HSPA12A: variants seen among roughly 807,000 people sequenced by gnomAD.
The protein encoded by HSPA12A is heat shock 70 kDa protein 12A.
A neutral mutation model predicts 69.2 loss-of-function variants in HSPA12A; 28 were observed. The observed-to-expected ratio is 0.40, with a 90% CI of 0.30 to 0.55. The LOEUF (loss-of-function observed/expected upper bound fraction) is 0.55, where lower values mean the gene tolerates loss of function less well. HSPA12A is among the 20% of genes least tolerant of loss of function. HSPA12A has a pLI of 0.38. For synonymous variants in HSPA12A, 345 were observed against 370.5 expected (o/e 0.93, Z 0.79); for missense variants, 686 against 900.7 (o/e 0.76, Z 3.05).
chr10:116,695,458 C>T (rs924233429), intron 5 of HSPA12A, among the ~76,000 whole-genome samples: 3 of 152,042 alleles, frequency 2.0e-5, no homozygotes, highest in East Asian at 3.9e-4. Flanking sequence ...CCAAGGTGGG[C>T]GGATCATGAG....
At chr10:116,772,426 T>A (rs1405137468) in intron 2 of HSPA12A, among the ~76,000 whole-genome samples, 1 of 152,030 alleles carries the variant, frequency 6.6e-6, no homozygotes. Context: ...GAGCAGACTC[T>A]GTGGAGCTGC....
At chr10:116,724,793 C>G (rs1850898022) in intron 1 of HSPA12A, among the ~76,000 whole-genome samples, 3 of 152,174 alleles carry the variant, frequency 2.0e-5, no homozygotes, top group Admixed American at 1.3e-4. Context: ...GCCCAGAGCC[C>G]AAGACTCCAG....
At chr10:116,792,613 C>CAAAAAAAAAAAAAAAA (rs56344323) in intron 2 of HSPA12A, among the ~76,000 whole-genome samples, 2 of 108,022 alleles carry the variant, frequency 1.9e-5, no homozygotes, top group African/African-American at 7.6e-5. Context: ...CTTGCATCTA[C>CAAAAAAAAAAAAAAAA]AAAAAAAAAA....
At chr10:116,761,186 C>T (rs1843962581) in intron 2 of HSPA12A, among the ~76,000 whole-genome samples, 1 of 151,894 alleles carries the variant, frequency 6.6e-6, no homozygotes, top group Admixed American at 6.6e-5. Context: ...TCTGTCTCTA[C>T]TAAAAATACA....
intron 2 of HSPA12A, among the ~76,000 whole-genome samples, chr10:116,777,946 T>C (rs576250738): frequency 3.0e-4 from 46 of 152,294 alleles, no homozygotes; most frequent in African/African-American, 1.1e-3. Context: ...TGGGCTGGTC[T>C]CAAACTCCTG....
intron 2 of HSPA12A, among the ~76,000 whole-genome samples, chr10:116,794,583 TG>T (rs1418157265): frequency 3.3e-5 from 5 of 152,130 alleles, no homozygotes; most frequent in African/African-American, 1.2e-4. Flanking sequence ...GGAGGCAAGG[TG>T]GGTGGATAAC....
At chr10:116,714,084 TGGATGGATGGAC>T (rs1400945865) in intron 1 of HSPA12A, among the ~76,000 whole-genome samples, 1 of 150,566 alleles carries the variant, frequency 6.6e-6, no homozygotes, top group Non-Finnish European at 1.5e-5. Flanking sequence ...GGTGGGTGAG[TGGATGGATGGAC>T]GGATGGATGG....
intron 2 of HSPA12A, among the ~76,000 whole-genome samples, chr10:116,791,945 T>TCCTGC (rs1844708720): frequency 6.6e-6 from 1 of 152,188 alleles, no homozygotes; most frequent in African/African-American, 2.4e-5. Context: ...TGCCAATTCA[T>TCCTGC]CCTGCCCAGG....
chr10:116,735,005 A>AT (rs1161944740), intron 1 of HSPA12A, among the ~76,000 whole-genome samples: 1 of 152,218 alleles, frequency 6.6e-6, no homozygotes, highest in African/African-American at 2.4e-5. Flanking sequence ...AAGAAAAAAA[A>AT]GAAAAAAGTT....
At chr10:116,739,280 G>A (rs190887928) in intron 1 of HSPA12A, among the ~76,000 whole-genome samples, 35 of 152,304 alleles carry the variant, frequency 2.3e-4, no homozygotes, top group East Asian at 5.8e-4. Context: ...ATCACAGGGC[G>A]TCCTTCATAG....
chr10:116,730,458 A>G (rs1390179006), intron 1 of HSPA12A, among the ~76,000 whole-genome samples: 4 of 152,194 alleles, frequency 2.6e-5, no homozygotes, highest in Non-Finnish European at 5.9e-5. Context: ...GCTCCCAGGC[A>G]TGGGGTGTTG....
intron 10 of HSPA12A, among the ~76,000 whole-genome samples, chr10:116,678,937 TTATATA>T (rs1448948126): frequency 6.6e-6 from 1 of 152,124 alleles, no homozygotes; most frequent in Non-Finnish European, 1.5e-5. Flanking sequence ...ATGATGGATA[TTATATA>T]TATAAATTTA....
chr10:116,826,657 A>T (rs997381354), intron 2 of HSPA12A, among the ~76,000 whole-genome samples: 7 of 152,204 alleles, frequency 4.6e-5, no homozygotes, highest in African/African-American at 1.7e-4. Context: ...ATAAATAATC[A>T]AATCAAATCA....
intron 1 of HSPA12A, among the ~76,000 whole-genome samples, chr10:116,848,059 A>G (rs1416841369): frequency 6.6e-6 from 1 of 152,262 alleles, no homozygotes; most frequent in Non-Finnish European, 1.5e-5. Context: ...GAGGAAAGGC[A>G]AAAAGGTGAA....
At chr10:116,690,476 G>T (rs1354263124) in intron 6 of HSPA12A, among the ~76,000 whole-genome samples, 2 of 152,210 alleles carry the variant, frequency 1.3e-5, no homozygotes, top group African/African-American at 4.8e-5. Flanking sequence ...AACAAAGCAA[G>T]TATCAAATCA....
upstream of HSPA12A, among the ~76,000 whole-genome samples, chr10:116,745,059 G>A (rs1376564515): frequency 1.3e-5 from 2 of 152,024 alleles, no homozygotes; most frequent in East Asian, 1.9e-4. Flanking sequence ...TCACTCCCCC[G>A]GACACATCCT....
intron 2 of HSPA12A, among the ~76,000 whole-genome samples, chr10:116,790,764 C>T (rs531583902): frequency 3.9e-5 from 6 of 152,254 alleles, no homozygotes; most frequent in Non-Finnish European, 8.8e-5. Context: ...GATCTTGGCT[C>T]ACTGCAACCT....
intron 1 of HSPA12A, among the ~76,000 whole-genome samples, chr10:116,740,961 TAAAAAAAAAAAAAA>T (rs5788190): frequency 1.2e-5 from 1 of 84,708 alleles, no homozygotes; most frequent in Non-Finnish European, 2.2e-5. Flanking sequence ...AGGAAAAAAG[TAAAAAAAAAAAAAA>T]AAAAAAAAAA....
At chr10:116,745,711 T>C (rs1041216290), upstream of HSPA12A, among the ~76,000 whole-genome samples, 3 of 152,070 alleles carry the variant, frequency 2.0e-5, no homozygotes, top group African/African-American at 4.8e-5. Context: ...ACCCTGTCTC[T>C]TCCTACAGGC....
Sources: allele counts gnomAD v4.1 joint callset (sites outside exome capture counted in the v4.1 genomes callset), GRCh38; gene constraint gnomAD v4.1.1; transcripts MANE v1.5; gene names NCBI Gene and HGNC (gene_info 2026-07-23, HGNC 2026-07-21).